MTMR1: variants seen among roughly 807,000 people sequenced by gnomAD.
MTMR1 encodes myotubularin related protein 1.
In MTMR1, 17 loss-of-function variants were observed where a neutral mutation model predicts 51.6. The ratio of observed to expected loss-of-function variants is 0.33; its 90% confidence interval spans 0.23 to 0.49. The LOEUF (loss-of-function observed/expected upper bound fraction) is 0.49. Among genes scored for constraint, MTMR1 ranks in the 20% least tolerant of loss-of-function variants. MTMR1 has a pLI of 0.99. For missense variants in MTMR1, 386 were observed against 526.9 expected (o/e 0.73, Z 2.62); for synonymous variants, 201 against 205.6 (o/e 0.98, Z 0.19).
chrX:150,760,931 C>CAA (rs56341623), intron 15 of MTMR1, among the ~76,000 whole-genome samples: 3 of 74,792 alleles, frequency 4.0e-5, no homozygotes, highest in African/African-American at 1.4e-4. Context: ...CATTCCGCCT[C>CAA]AAAAAAAAAA....
chrX:150,752,524 TTG>T, intron 14 of MTMR1, among the ~76,000 whole-genome samples: 1 of 111,405 alleles, frequency 9.0e-6, no homozygotes, highest in South Asian at 3.8e-4. Flanking sequence ...AGAGTGAGTT[TTG>T]TGTTACGTGA....
chrX:150,732,129 G>A (rs1265976013), intron 9 of MTMR1, among the ~76,000 whole-genome samples: 2 of 111,526 alleles, frequency 1.8e-5, no homozygotes, highest in Non-Finnish European at 3.8e-5. Flanking sequence ...GTGGCAGAGT[G>A]TCAGATTTTA....
intron 2 of MTMR1, among the ~76,000 whole-genome samples, chrX:150,708,585 G>A (rs1401668949): frequency 9.0e-6 from 1 of 111,320 alleles, no homozygotes; most frequent in East Asian, 2.8e-4. Context: ...ACGACAAGAT[G>A]ATGCAGTATG....
chrX:150,742,834 A>AAAAGAAAG (rs58279512), intron 12 of MTMR1, among the ~76,000 whole-genome samples: 2 of 101,884 alleles, frequency 2.0e-5, no homozygotes, highest in African/African-American at 7.8e-5. Flanking sequence ...AAAAAAAAAA[A>AAAAGAAAG]AAAGAAAGAA....
intron 12 of MTMR1, among the ~76,000 whole-genome samples, chrX:150,738,545 C>T (rs2042341248): frequency 8.9e-6 from 1 of 111,971 alleles, no homozygotes; most frequent in Admixed American, 9.4e-5. Flanking sequence ...AAATCAGGGT[C>T]CCAGCAGGAT....
At chrX:150,753,480 A>G (rs2042812747) in intron 14 of MTMR1, among the ~76,000 whole-genome samples, 1 of 111,916 alleles carries the variant, frequency 8.9e-6, no homozygotes, top group Non-Finnish European at 1.9e-5. Context: ...AACGCTTACT[A>G]TTTTCCTTTT....
chrX:150,731,354 A>G (rs1557416981), intron 8 of MTMR1, 116 bp from the exon 9 acceptor site: 6 of 620,358 alleles, frequency 9.7e-6, no homozygotes, highest in Non-Finnish European at 2.3e-6. Flanking sequence ...AATAAACAAT[A>G]AATTATAAAC....
Position 150,702,275 on chromosome X carries a change from C to T in MTMR1, c.252+2975C>T, listed in dbSNP as rs145459215. 4.5e-5 allele frequency among the ~76,000 whole-genome samples: 5 copies of T among 110,300 alleles called. No individual in the cohort carries two copies. The East Asian group carries it at 1.4e-3, about 31-fold the overall frequency. ...TTGGGTCTTCCCAAGACAGCATTCTCTGGAGCACCTGTAAAAATGCAGCTT... is the reference window on the plus strand; with the variant it reads ...TTGGGTCTTCCCAAGACAGCATTCTTTGGAGCACCTGTAAAAATGCAGCTT... On this transcript the variant is annotated intron_variant, in intron 2 of 15. Transcript: ENST00000445323.
intron 2 of MTMR1, 35 bp downstream of exon 2, chrX:150,699,335 A>G (rs781914368): frequency 1.3e-5 from 13 of 1,010,824 alleles, no homozygotes; most frequent in Non-Finnish European, 1.4e-5. Context: ...CATTTTCAGT[A>G]TGCTAAGTAG....
chrX:150,751,335 T>A, intron 14 of MTMR1: 1 of 522,396 alleles, frequency 1.9e-6, no homozygotes, highest in Non-Finnish European at 2.4e-6. Context: ...TCCCTCAGTG[T>A]GGGATAAAAG....
At chrX:150,730,243 C>A in intron 7 of MTMR1, 33 bp downstream of exon 7, 1 of 983,913 alleles carries the variant, frequency 1.0e-6, no homozygotes, top group Non-Finnish European at 1.4e-6. Context: ...TTTCTGCATG[C>A]ATTTGTGGGG....
rs73622443 is a variant in MTMR1 at position 150,722,193 on chromosome X, A to G, written c.352+3493A>G. On this transcript the variant is annotated intron_variant, in intron 4 of 15. Coordinates refer to ENST00000445323, the MANE Select transcript of MTMR1 (RefSeq NM_001306144.3). ...TGCCCTGTCTTGGTAAATGTTCTAC[A>G]TGCAGTTGAAAAGAATGTGTTTTCT... 6.4e-3 allele frequency among the ~76,000 whole-genome samples: 718 copies of G among 112,064 alleles called. 6 individuals carry two copies. The highest frequency in any genetic ancestry group is 0.021 in the African/African-American group (662 of 30,901).
At chrX:150,740,444 C>A (rs944898062) in intron 12 of MTMR1, among the ~76,000 whole-genome samples, 8 of 111,999 alleles carry the variant, frequency 7.1e-5, no homozygotes, top group African/African-American at 2.3e-4. Flanking sequence ...ATCTTCCCAA[C>A]CTCTTAATGT....
chrX:150,761,818 C>T (rs782207507), intron 15 of MTMR1, among the ~76,000 whole-genome samples: 4 of 112,692 alleles, frequency 3.5e-5, no homozygotes, highest in East Asian at 2.8e-4. Context: ...GCTTGTTAGG[C>T]GAGTGGGTTG....
chrX:150,718,821 G>A, intron 4 of MTMR1, 121 bp downstream of exon 4: 1 of 617,193 alleles, frequency 1.6e-6, no homozygotes, highest in South Asian at 3.2e-5. Context: ...GGGGACAAAT[G>A]GACTAGATCT....
chrX:150,710,335 G>GT lies in MTMR1; in HGVS notation c.253-2000dup, dbSNP rs1420515369. Among the ~76,000 whole-genome samples the GT allele has an allele frequency of 1.9e-4, 21 of 111,236 alleles. 1 individual carries two copies. The highest frequency in any genetic ancestry group is 1.8e-3 in the Admixed American group (19 of 10,507). ...TCAAAACATGGGGCCAGTTATAGGT[G>GT]TTTTTTTCTGTTTTTGTTGTTTTGT... On this transcript the variant is annotated intron_variant, in intron 2 of 15. Coordinates refer to ENST00000445323, the MANE Select transcript of MTMR1 (RefSeq NM_001306144.3).
At chrX:150,711,907 G>GT (rs1210107477) in intron 2 of MTMR1, among the ~76,000 whole-genome samples, 2 of 110,851 alleles carry the variant, frequency 1.8e-5, no homozygotes, top group Non-Finnish European at 3.8e-5. Flanking sequence ...GATTTCTGTG[G>GT]TTTTTTGGTT....
intron 2 of MTMR1, among the ~76,000 whole-genome samples, chrX:150,699,549 A>C (rs1216810477): frequency 8.9e-6 from 1 of 112,612 alleles, no homozygotes; most frequent in Non-Finnish European, 1.9e-5. Flanking sequence ...TCTTTTAAAA[A>C]TCAAGTTCCA....
chrX:150,743,358 G>A (rs1307937876), intron 12 of MTMR1, among the ~76,000 whole-genome samples: 16 of 111,508 alleles, frequency 1.4e-4, no homozygotes, highest in Admixed American at 1.4e-3. Context: ...CTATGCTCGT[G>A]TCACTGCACT....
Sources: gnomAD v4.1 joint callset for allele counts (sites outside exome capture counted in the v4.1 genomes callset) on GRCh38, gnomAD v4.1.1 for gene constraint, MANE v1.5 for transcripts, NCBI Gene and HGNC (gene_info 2026-07-23, HGNC 2026-07-21) for gene names.